The following CLEC12A variants were observed in gnomAD, a reference collection of about 807,000 sequenced individuals.
CLEC12A encodes C-type lectin domain family 12 member A, also known as C-type lectin protein CLL-1.
CLEC12A carries 22 observed loss-of-function variants against 26.5 expected under a neutral mutation model. The ratio of observed to expected loss-of-function variants is 0.83; its 90% CI spans 0.59 to 1.19. The LOEUF is 1.19. CLEC12A is among the 50% of genes most tolerant of loss of function. The probability of loss-of-function intolerance (pLI) is 0.00; values close to 1 mark genes in which losing one functional copy is unlikely to be tolerated. For missense variants in CLEC12A, 353 were observed against 315.6 expected (o/e 1.12, Z -0.90); for synonymous variants, 119 against 101.9 (o/e 1.17, Z -1.01).
At chr12:9,971,281 A>G (rs1033217335), upstream of CLEC12A, 3 of 412,614 alleles carry the variant, frequency 7.3e-6, no homozygotes, top group Admixed American at 1.8e-4. Flanking sequence ...ATCCAAACAC[A>G]ATTTCAAAAA....
At chr12:9,964,662 G>C (rs148527977) in intron 1 of CLEC12A, among the ~76,000 whole-genome samples, 6 of 152,076 alleles carry the variant, frequency 3.9e-5, no homozygotes, top group African/African-American at 1.4e-4. Flanking sequence ...CTATGAGGAG[G>C]AGTAGAATAG....
intron 1 of CLEC12A, among the ~76,000 whole-genome samples, chr12:9,975,450 G>T (rs1469204296): frequency 1.3e-5 from 2 of 152,168 alleles, no homozygotes; most frequent in African/African-American, 4.8e-5. Context: ...GTGACTGGTA[G>T]CATTTTGCTC....
intron 1 of CLEC12A, 80 bp downstream of exon 1, chr12:9,971,767 A>G (rs912393609): frequency 4.2e-5 from 51 of 1,212,194 alleles, no homozygotes; most frequent in Admixed American, 2.8e-5. Context: ...TATTAGTGAT[A>G]TAGTTACTAT....
chr12:9,971,291 A>C (rs761801019), upstream of CLEC12A: 69 of 533,830 alleles, frequency 1.3e-4, no homozygotes, highest in Admixed American at 4.2e-4. Context: ...AATTTCAAAA[A>C]CTACTTTCTG....
intron 1 of CLEC12A, among the ~76,000 whole-genome samples, chr12:9,956,965 A>C (rs1346471018): frequency 2.7e-5 from 4 of 147,412 alleles, no homozygotes; most frequent in African/African-American, 1.0e-4. Context: ...TGGATGCATA[A>C]GGAAATAAAA....
chr12:9,977,594 C>T lies in CLEC12A; in HGVS notation c.92-1372C>T, dbSNP rs117307389. Among the ~76,000 whole-genome samples, 39 of 152,238 alleles carry T rather than the reference C, an allele frequency of 2.6e-4. No individual in the cohort carries two copies. The East Asian group carries it at 6.0e-3, about 23-fold the overall frequency. ...TGTAATGTTCTTCCTACTTATTTTGCATGCTGGTTCCTATTCATAAGATTT... is the reference window on the plus strand; with the variant it reads ...TGTAATGTTCTTCCTACTTATTTTGTATGCTGGTTCCTATTCATAAGATTT... On this transcript the variant is annotated intron_variant, in intron 1 of 5. Transcript: ENST00000304361.
intron 1 of CLEC12A, 109 bp from the exon 2 acceptor site, chr12:9,978,857 T>C (rs1260362381): frequency 4.0e-6 from 3 of 749,738 alleles, no homozygotes; most frequent in African/African-American, 1.7e-5. Flanking sequence ...TTCTTTCCAA[T>C]AGGCATATTA....
downstream of CLEC12A, among the ~76,000 whole-genome samples, chr12:9,988,150 G>A (rs373096427): frequency 5.3e-5 from 8 of 152,156 alleles, no homozygotes; most frequent in Non-Finnish European, 8.8e-5. Context: ...ATCTTGAATT[G>A]TAGCTCCCAT....
At chr12:9,990,088 T>C (rs1002239766), downstream of CLEC12A, among the ~76,000 whole-genome samples, 2 of 152,166 alleles carry the variant, frequency 1.3e-5, no homozygotes, top group East Asian at 3.8e-4. Flanking sequence ...ACAATGCACC[T>C]AGTCACCCAA....
downstream of CLEC12A, chr12:9,998,384 T>A: frequency 6.2e-7 from 1 of 1,608,074 alleles, no homozygotes; most frequent in Non-Finnish European, 8.5e-7. Flanking sequence ...GAGCCAACTG[T>A]AGGCATATAA....
At chr12:10,000,841 G>A in the CLEC12A span, among the ~76,000 whole-genome samples, 46 of 152,260 alleles carry the variant, frequency 3.0e-4, no homozygotes, top group Non-Finnish European at 5.6e-4. Flanking sequence ...TTCTGTCACA[G>A]TAACCCCTGT....
chr12:9,976,251 T>A (rs1320186007), intron 1 of CLEC12A, among the ~76,000 whole-genome samples: 1 of 152,138 alleles, frequency 6.6e-6, no homozygotes, highest in Non-Finnish European at 1.5e-5. Context: ...GCATGCACTG[T>A]CCACTTGGAA....
chr12:9,995,306 G>T, exon 5 of CLEC12A: 1 of 1,398,040 alleles, frequency 7.2e-7, no homozygotes. Flanking sequence ...TGGTATGATA[G>T]ACAAAGCTTC....
At chr12:9,955,825 A>T (rs935890946) in intron 1 of CLEC12A, among the ~76,000 whole-genome samples, 3 of 152,240 alleles carry the variant, frequency 2.0e-5, no homozygotes, top group Non-Finnish European at 4.4e-5. Flanking sequence ...CCATCTCGAA[A>T]ACCTGAAAAT....
At chr12:9,984,539 T>C (rs900662832) in intron 5 of CLEC12A, among the ~76,000 whole-genome samples, 3 of 152,124 alleles carry the variant, frequency 2.0e-5, no homozygotes, top group African/African-American at 7.2e-5. Flanking sequence ...CCTAGCCAGT[T>C]AGACTAGGAG....
the CLEC12A span, among the ~76,000 whole-genome samples, chr12:10,004,724 C>G: frequency 2.0e-5 from 3 of 152,020 alleles, no homozygotes; most frequent in Admixed American, 1.3e-4. Flanking sequence ...AGTCTCCCAG[C>G]TTAAGGGTGG....
chr12:9,995,397 A>G (rs1421454887), exon 5 of CLEC12A: 2 of 720,506 alleles, frequency 2.8e-6, no homozygotes, highest in Admixed American at 1.9e-5. Flanking sequence ...TTGAAATTGT[A>G]CCAATTTGAC....
At chr12:9,984,823 T>C (rs1440997451) in intron 5 of CLEC12A, 47 bp from the exon 6 acceptor site, 1 of 1,378,684 alleles carries the variant, frequency 7.3e-7, no homozygotes, top group Non-Finnish European at 9.4e-7. Flanking sequence ...GTGAATATGT[T>C]TCAAATATCT....
At chr12:9,980,335 G>A (rs1258099504) in intron 3 of CLEC12A, among the ~76,000 whole-genome samples, 2 of 151,796 alleles carry the variant, frequency 1.3e-5, no homozygotes, top group Non-Finnish European at 2.9e-5. Context: ...CTACTTGGGT[G>A]GCTGAGGCAG....
Sources: gnomAD v4.1 joint callset for allele counts (sites outside exome capture counted in the v4.1 genomes callset) on GRCh38, gnomAD v4.1.1 for gene constraint, MANE v1.5 for transcripts, NCBI Gene and HGNC (gene_info 2026-07-23, HGNC 2026-07-21) for gene names.